TJP1: variants seen among roughly 807,000 people sequenced by gnomAD.
The protein encoded by TJP1 is tight junction protein ZO-1.
A neutral mutation model predicts 194.2 loss-of-function variants in TJP1; 43 were observed. The ratio of observed to expected loss-of-function variants is 0.22; its 90% CI spans 0.17 to 0.29. TJP1 has a LOEUF of 0.29. Among genes scored for constraint, TJP1 ranks in the 10% least tolerant of loss-of-function variants. The pLI is 1.00. For missense variants in TJP1, 1,971 were observed against 2,185.7 expected (o/e 0.90, Z 1.96); for synonymous variants, 801 against 779.0 (o/e 1.03, Z -0.47).
chr15:29,781,171 A>C (rs1226998504), intron 2 of TJP1, among the ~76,000 whole-genome samples: 1 of 152,314 alleles, frequency 6.6e-6, no homozygotes. Context: ...AATACAAGTA[A>C]CCATCAGAGA....
Position 29,800,796 on chromosome 15 carries a change from T to C in TJP1, c.28-94A>G, listed in dbSNP as rs1395363114. On this transcript the variant is annotated intron_variant, in intron 1 of 27. Coordinates refer to ENST00000614355, the MANE Select transcript of TJP1 (RefSeq NM_001330239.4). ...CATCCAACAATTCAGCACACTGAAA[T>C]ACCAAAATTCACAGTTAATATTAGA... 5.7e-6 allele frequency: 7 copies of C among 1,231,740 alleles called. No homozygotes were observed. The East Asian group carries it at 1.6e-4, about 29-fold the overall frequency. The allele number at this position is 1,231,740 out of a possible 1,614,324, so 76.3% of individuals were successfully genotyped here. A position where few individuals can be genotyped will look rare whatever the true frequency, so the allele number is the denominator to read the frequency against.
At chr15:29,942,129 T>C (rs2055101449) in intron 2 of TJP1, among the ~76,000 whole-genome samples, 1 of 152,234 alleles carries the variant, frequency 6.6e-6, no homozygotes, top group African/African-American at 2.4e-5. Context: ...AATAACATTT[T>C]CTCTATTCTT....
intron 2 of TJP1, among the ~76,000 whole-genome samples, chr15:29,906,961 C>G (rs1322230622): frequency 2.0e-5 from 3 of 151,986 alleles, no homozygotes; most frequent in African/African-American, 7.3e-5. Flanking sequence ...AAAATATAAA[C>G]TACAGTATGA....
intron 2 of TJP1, among the ~76,000 whole-genome samples, chr15:29,949,941 CCACAACCACCACCACCACCTCCA>C (rs2055602926): frequency 1.0e-4 from 4 of 39,960 alleles, no homozygotes; most frequent in Admixed American, 2.6e-4. Context: ...ACCACCACCT[CCACAACCACCACCACCACCTCCA>C]CCACAACCAT....
chr15:29,753,109 ACT>A, intron 8 of TJP1, among the ~76,000 whole-genome samples: 1 of 152,262 alleles, frequency 6.6e-6, no homozygotes, highest in Non-Finnish European at 1.5e-5. Context: ...ACGAAAATTT[ACT>A]TTTTGTATTT....
intron 8 of TJP1, among the ~76,000 whole-genome samples, chr15:29,751,891 G>A (rs1009675968): frequency 3.3e-4 from 50 of 152,234 alleles, no homozygotes; most frequent in African/African-American, 1.2e-3. Flanking sequence ...CTCAGCTGAT[G>A]GAGTAAATAA....
At chr15:29,768,214 A>AT (rs2151596129) in intron 4 of TJP1, among the ~76,000 whole-genome samples, 1 of 152,322 alleles carries the variant, frequency 6.6e-6, no homozygotes, top group East Asian at 1.9e-4. Context: ...AAGCTCAAGG[A>AT]TGAGAAACAG....
chr15:29,901,865 TG>T (rs2053645098), intron 2 of TJP1, among the ~76,000 whole-genome samples: 1 of 152,094 alleles, frequency 6.6e-6, no homozygotes, highest in Admixed American at 6.5e-5. Flanking sequence ...ATTACTCAAT[TG>T]ATGACATGTC....
intron 2 of TJP1, among the ~76,000 whole-genome samples, chr15:29,932,943 GTTT>G (rs1390450281): frequency 6.6e-6 from 1 of 152,046 alleles, no homozygotes; most frequent in Non-Finnish European, 1.5e-5. Context: ...CATTTGAACT[GTTT>G]TTATGATTAT....
intron 2 of TJP1, among the ~76,000 whole-genome samples, chr15:29,778,546 G>C (rs2047159967): frequency 6.6e-6 from 1 of 152,010 alleles, no homozygotes; most frequent in Non-Finnish European, 1.5e-5. Context: ...TGGCAGTGCT[G>C]TCCCTCTAAC....
At chr15:29,733,392 C>G (rs1751617489) in intron 12 of TJP1, 79 bp from the exon 13 acceptor site, 1 of 959,902 alleles carries the variant, frequency 1.0e-6, no homozygotes, top group Non-Finnish European at 1.6e-6. Flanking sequence ...TGTAAAGATG[C>G]TATGATAATA....
At chr15:29,768,199 C>A (rs1027377830) in intron 4 of TJP1, among the ~76,000 whole-genome samples, 2 of 152,114 alleles carry the variant, frequency 1.3e-5, no homozygotes, top group African/African-American at 4.8e-5. Flanking sequence ...GAGGAAACAA[C>A]GCTGAAGCTC....
intron 26 of TJP1, among the ~76,000 whole-genome samples, chr15:29,705,048 C>T (rs1434404104): frequency 6.6e-6 from 1 of 152,222 alleles, no homozygotes; most frequent in Non-Finnish European, 1.5e-5. Flanking sequence ...AACATGCTGT[C>T]ATCTCCTCTG....
At chr15:29,955,864 G>C (rs543264496) in intron 2 of TJP1, among the ~76,000 whole-genome samples, 8 of 151,392 alleles carry the variant, frequency 5.3e-5, no homozygotes, top group Admixed American at 2.0e-4. Context: ...GGCACTACCA[G>C]GAAGCTGGGT....
chr15:29,879,377 C>T (rs1269119489), intron 2 of TJP1, among the ~76,000 whole-genome samples: 4 of 152,200 alleles, frequency 2.6e-5, no homozygotes, highest in Admixed American at 2.0e-4. Flanking sequence ...AGTGGACAGA[C>T]GCCTCCCTAT....
intron 2 of TJP1, among the ~76,000 whole-genome samples, chr15:29,786,421 AC>A (rs2047704406): frequency 6.6e-6 from 1 of 152,164 alleles, no homozygotes; most frequent in Non-Finnish European, 1.5e-5. Context: ...TATTTTATTT[AC>A]TTTATTGCAT....
At chr15:29,951,146 A>T (rs951140838) in intron 2 of TJP1, among the ~76,000 whole-genome samples, 2 of 152,082 alleles carry the variant, frequency 1.3e-5, no homozygotes, top group Admixed American at 1.3e-4. Flanking sequence ...ATTTCCTGTT[A>T]GTCTGCATGG....
At chr15:29,823,403 TTGTAAA>T (rs963372819), upstream of TJP1, 5 of 152,196 alleles carry the variant, frequency 3.3e-5, no homozygotes, top group Non-Finnish European at 7.3e-5. Context: ...TAATCTACAC[TTGTAAA>T]TGTAAAGGTC....
In TJP1 at chr15:29,780,109, G is replaced by C. The variant is rs28408564; in HGVS notation, c.85-6752C>G. Among the ~76,000 whole-genome samples, 12 of 152,208 alleles carry C rather than the reference G, an allele frequency of 7.9e-5. No individual in the cohort carries two copies. In the South Asian group the frequency reaches 2.3e-3, roughly 29 times the overall value. On this transcript the variant is annotated intron_variant, in intron 2 of 27. Coordinates refer to ENST00000614355, the MANE Select transcript of TJP1 (RefSeq NM_001330239.4). The stretch of plus-strand genomic sequence containing the variant: ...GGCACCAGGGATTGGTTTCTTTGAA[G>C]ACAATTTTTCCACAGACCGGCAGGT...
Sources: gnomAD v4.1 joint callset for allele counts (sites outside exome capture counted in the v4.1 genomes callset) on GRCh38, gnomAD v4.1.1 for gene constraint, MANE v1.5 for transcripts, NCBI Gene and HGNC (gene_info 2026-07-23, HGNC 2026-07-21) for gene names.